The following DUSP2 variants were observed in gnomAD, a reference collection of about 807,000 sequenced individuals.
DUSP2 encodes the protein dual specificity protein phosphatase 2.
In DUSP2, 20 loss-of-function variants were observed where a neutral mutation model predicts 23.3. That is an observed-to-expected ratio of 0.86 (90% CI 0.60 to 1.25). The LOEUF is 1.25. Ranked by LOEUF, DUSP2 falls within the 50% of genes most tolerant of loss-of-function variation. The pLI, the probability that DUSP2 is intolerant of heterozygous loss-of-function variation, is 0.00. For synonymous variants in DUSP2, 231 were observed against 209.7 expected (o/e 1.10, Z -0.88); for missense variants, 435 against 452.6 (o/e 0.96, Z 0.35).
At chr2:96,144,463 G>C in intron 2 of DUSP2, 90 bp from the exon 3 acceptor site, 1 of 1,294,574 alleles carries the variant, frequency 7.7e-7, no homozygotes, top group Non-Finnish European at 1.1e-6. Context: ...GGCTGGCCGA[G>C]ACAAGAGGAC....
In DUSP2 at chr2:96,143,552, T is replaced by C; in HGVS notation, c.*271A>G. The C allele has an allele frequency of 2.0e-6, 1 of 500,652 alleles. No homozygotes were observed. The highest frequency in any genetic ancestry group is 3.4e-5 in the Admixed American group (1 of 29,632). 31.0% of individuals were successfully genotyped at this position (500,652 alleles called of 1,614,324 possible). A position where few individuals can be genotyped will look rare whatever the true frequency, so the allele number is the denominator to read the frequency against. On this transcript the variant is annotated 3_prime_UTR_variant, in exon 4 of 4. Coordinates refer to ENST00000288943, the MANE Select transcript of DUSP2 (RefSeq NM_004418.4). ...GTCCACGGTATAGCGTCTAGCTGAT[T>C]TCTGCCAGAGGATGGGGAGGGAAAG...
Position 96,145,065 on chromosome 2 carries a change from G to C in DUSP2, c.290C>G (p.Ser97Trp). ...GCTGTCGGGCCGGAGCTCCGCCACC[G>C]AGGCACTGCCCTCGTCCAGCACCAC... ...RAVVLDEGSA[S>W]VAELRPDSPA... The change falls in exon 1 of 4, where the codon TCG (serine) becomes TGG (tryptophan). Residue 97 changes from serine (S) to tryptophan (W), a missense_variant. Physicochemically the swap from Ser to Trp is radical, Grantham distance 177 (BLOSUM62 -3). Transcript: ENST00000288943. 1 of 1,522,382 alleles carries C rather than the reference G, an allele frequency of 6.6e-7. No individual in the cohort carries two copies. 94.3% of individuals were successfully genotyped at this position (1,522,382 alleles called of 1,614,324 possible).
chr2:96,143,308 A>C lies in DUSP2; in HGVS notation c.*515T>G, dbSNP rs777794683. 1 of 156,060 alleles carries C rather than the reference A, an allele frequency of 6.4e-6. No individual in the cohort carries two copies. Among genetic ancestry groups the C allele is most frequent in the African/African-American group, 2.4e-5 (1 of 41,462 alleles). The allele number at this position is 156,060 out of a possible 1,614,324, so 9.7% of individuals were successfully genotyped here. A position where few individuals can be genotyped will look rare whatever the true frequency, so the allele number is the denominator to read the frequency against. On this transcript the variant is annotated 3_prime_UTR_variant, in exon 4 of 4. Coordinates refer to ENST00000288943, the MANE Select transcript of DUSP2 (RefSeq NM_004418.4). Reference sequence around the variant, plus strand: ...TGTTAAATGTCAGCTGAGCACAAATAATTTTCCAGCGCCAGCACAGGTGTG... The same window carrying C: ...TGTTAAATGTCAGCTGAGCACAAATCATTTTCCAGCGCCAGCACAGGTGTG...
chr2:96,145,260 C>T lies in DUSP2; in HGVS notation c.95G>A (p.Cys32Tyr), dbSNP rs760492286. 1.5e-6 allele frequency: 2 copies of T among 1,294,908 alleles called. No homozygotes were observed. Among genetic ancestry groups the T allele is most frequent in the Non-Finnish European group, 9.7e-7 (1 of 1,027,182 alleles). 80.2% of individuals were successfully genotyped at this position (1,294,908 alleles called of 1,614,324 possible). The change falls in exon 1 of 4, where the codon TGC (cysteine) becomes TAC (tyrosine). Residue 32 changes from cysteine to tyrosine, a missense_variant. By Grantham distance (194) the Cys-to-Tyr change is radical. Coordinates refer to ENST00000288943, the MANE Select transcript of DUSP2 (RefSeq NM_004418.4). ...CCGGCAGAAGGCCAGGAAGGGGCGG[C>T]AGTCCAGCAGCAGCGTGCGTTCCGC... ...REAERTLLLD[C>Y]RPFLAFCRRH...
At chr2:96,144,427 G>A in intron 2 of DUSP2, 54 bp from the exon 3 acceptor site, 4 of 1,572,556 alleles carry the variant, frequency 2.5e-6, no homozygotes, top group Admixed American at 3.5e-5. Context: ...CGGAGAGCTG[G>A]AGCAGCAGCG....
In DUSP2 at chr2:96,144,746, G is replaced by A. The variant is rs1261967325; in HGVS notation, c.510+15C>T. The A allele has an allele frequency of 3.2e-6, 5 of 1,548,142 alleles. No individual in the cohort carries two copies. Among genetic ancestry groups the A allele is most frequent in the Non-Finnish European group, 3.5e-6 (4 of 1,146,784 alleles). ...GGGAGAGAGGGAGGTTCGGGGGAGG[G>A]GGGTCAATACTCACCTGGTCGTAGA... On this transcript the variant is annotated intron_variant, in intron 2 of 3. Coordinates refer to ENST00000288943, the MANE Select transcript of DUSP2 (RefSeq NM_004418.4).
chr2:96,144,650 T>C (rs1426808983), intron 2 of DUSP2, 111 bp downstream of exon 2: 1 of 1,019,354 alleles, frequency 9.8e-7, no homozygotes, highest in Non-Finnish European at 1.4e-6. Context: ...TATAAAAGTG[T>C]GTGTATATGG....
rs534601595 is a variant in DUSP2, at chr2:96,144,886, C to A, written c.389-4G>T. On this transcript the variant is annotated splice_polypyrimidine_tract_variant and splice_region_variant and intron_variant, in intron 1 of 3. Transcript: ENST00000288943. ...CCCTGGAAGCCGTCGAAGCCTCCTGCAAGGAGGGGAAGAGCACGATCAGCA... is the reference window on the plus strand; with the variant it reads ...CCCTGGAAGCCGTCGAAGCCTCCTGAAAGGAGGGGAAGAGCACGATCAGCA... 6.5e-7 allele frequency: 1 copy of A among 1,548,808 alleles called. No homozygotes were observed. The highest frequency in any genetic ancestry group is 8.7e-7 in the Non-Finnish European group (1 of 1,145,706).
rs1174697281 is a variant in DUSP2, at chr2:96,144,763, G to A, written c.508C>T (p.Gln170Ter). ...RSDSRAPVYD[Q>*]GGPVEILPYL... The stretch of plus-strand genomic sequence containing the variant: ...GGGGGAGGGGGGTCAATACTCACCT[G>A]GTCGTAGACAGGAGCCCTGGAGTCG... The change falls in exon 2 of 4, where the codon CAG (glutamine) becomes TAG (stop). Residue 170 changes from glutamine to a stop codon, truncating the protein, a stop_gained and splice_region_variant. Transcript: ENST00000288943. LOFTEE classifies it high-confidence loss of function. 2.5e-6 allele frequency: 4 copies of A among 1,587,014 alleles called. No individual in the cohort carries two copies. The highest frequency in any genetic ancestry group is 2.3e-5 in the East Asian group (1 of 44,026).
chr2:96,145,127 CAGCGCGCG>C lies in DUSP2; in HGVS notation c.220_227del (p.Arg74AlafsTer69). The C allele has an allele frequency of 7.4e-7, 1 of 1,356,492 alleles. No homozygotes were observed. Among genetic ancestry groups the C allele is most frequent in the Non-Finnish European group, 9.4e-7 (1 of 1,064,854 alleles). 84.0% of individuals were successfully genotyped at this position (1,356,492 alleles called of 1,614,324 possible). Reference sequence around the variant, plus strand: ...GCTCCCCGCGGACCAGGCGCGTCCGCAGCGCGCGGTCGGGCAGCAGGCAGGCGAGAACG... The same window carrying C: ...GCTCCCCGCGGACCAGGCGCGTCCGCGTCGGGCAGCAGGCAGGCGAGAACG... On this transcript the variant is annotated frameshift_variant, in exon 1 of 4. Coordinates refer to ENST00000288943, the MANE Select transcript of DUSP2 (RefSeq NM_004418.4). LOFTEE classifies it high-confidence loss of function.
In DUSP2 at chr2:96,144,850, C is replaced by G. The variant is rs1682477617; in HGVS notation, c.421G>C (p.Asp141His). 1 of 1,556,178 alleles carries G rather than the reference C, an allele frequency of 6.4e-7. No individual in the cohort carries two copies. Among genetic ancestry groups the G allele is most frequent in the African/African-American group, 1.4e-5 (1 of 73,588 alleles). ...GGGGCGGGGGCCTCAGAGCACAGATCGGGACAGCAGCCCTGGAAGCCGTCG... is the reference window on the plus strand; with the variant it reads ...GGGGCGGGGGCCTCAGAGCACAGATGGGGACAGCAGCCCTGGAAGCCGTCG... Reference protein sequence around the residue: ...GFDGFQGCCPDLCSEAPAPAL... With the variant: ...GFDGFQGCCPHLCSEAPAPAL... Residue 141 changes from aspartate (D) to histidine (H), a missense_variant, in exon 2 of 4, where the codon GAT becomes CAT. Transcript: ENST00000288943.
Position 96,144,255 on chromosome 2 carries a change from G to C in DUSP2, c.629C>G (p.Pro210Arg). 6.2e-7 allele frequency: 1 copy of C among 1,614,038 alleles called. No homozygotes were observed. The highest frequency in any genetic ancestry group is 1.1e-5 in the South Asian group (1 of 91,090). The change falls in exon 3 of 4, where the codon CCC (proline) becomes CGC (arginine). Residue 210 changes from proline (P) to arginine (R), a missense_variant. By Grantham distance (103) the Pro-to-Arg change is moderately radical. Transcript: ENST00000288943. Reference protein sequence around the residue: ...TAVLNVSASCPNHFEGLFRYK... With the variant: ...TAVLNVSASCRNHFEGLFRYK... ...GCGGAAAAGGCCCTCAAAGTGGTTG[G>C]GGCAGCTGGCGGACACGTTGAGGAC...
rs1682476457 is a variant in DUSP2 at position 96,144,821 on chromosome 2, C to A, written c.450G>T (p.Ala150=). 1 of 1,569,780 alleles carries A rather than the reference C, an allele frequency of 6.4e-7. No individual in the cohort carries two copies. Among genetic ancestry groups the A allele is most frequent in the Non-Finnish European group, 8.6e-7 (1 of 1,158,766 alleles). The change falls in exon 2 of 4, where the codon GCG becomes GCT. Residue 150 remains alanine (A), a synonymous_variant. Transcript: ENST00000288943. Reference sequence around the variant, plus strand: ...TGGTTTTGTCCCCTGTTGGCGGCAGCGCAGGGGCGGGGGCCTCAGAGCACA... The same window carrying A: ...TGGTTTTGTCCCCTGTTGGCGGCAGAGCAGGGGCGGGGGCCTCAGAGCACA... ...PDLCSEAPAP[A]LPPTGDKTSR...
Position 96,143,528 on chromosome 2 carries a change from T to G in DUSP2, c.*295A>C. 7.7e-6 allele frequency: 3 copies of G among 388,450 alleles called. No homozygotes were observed. The highest frequency in any genetic ancestry group is 1.4e-5 in the Non-Finnish European group (3 of 209,252). The allele number at this position is 388,450 out of a possible 1,614,324, so 24.1% of individuals were successfully genotyped here. A position where few individuals can be genotyped will look rare whatever the true frequency, so the allele number is the denominator to read the frequency against. On this transcript the variant is annotated 3_prime_UTR_variant, in exon 4 of 4. Coordinates refer to ENST00000288943, the MANE Select transcript of DUSP2 (RefSeq NM_004418.4). ...CAACATGGTGGTGGACCAGGGAGAG[T>G]CCACGGTATAGCGTCTAGCTGATTT...
Position 96,144,961 on chromosome 2 carries a change from G to C in DUSP2, c.388+6C>G, listed in dbSNP as rs774392717. ...GGGGCGGGCCAAGGGCGGCCGGCTT[G>C]CTCACCTCGCAGGAAGTACACGGCA... On this transcript the variant is annotated splice_donor_region_variant and intron_variant, in intron 1 of 3. Coordinates refer to ENST00000288943, the MANE Select transcript of DUSP2 (RefSeq NM_004418.4). 4 of 1,545,984 alleles carry C rather than the reference G, an allele frequency of 2.6e-6. No individual in the cohort carries two copies. The highest frequency in any genetic ancestry group is 2.0e-5 in the Admixed American group (1 of 50,920).
In DUSP2 at chr2:96,145,229, G is replaced by C. The variant is rs768211327; in HGVS notation, c.126C>G (p.His42Gln). 4.0e-4 allele frequency: 511 copies of C among 1,275,484 alleles called. No individual in the cohort carries two copies. The highest frequency in any genetic ancestry group is 4.0e-4 in the Non-Finnish European group (412 of 1,018,286). The allele number at this position is 1,275,484 out of a possible 1,614,324, so 79.0% of individuals were successfully genotyped here. The change falls in exon 1 of 4, where the codon CAC (histidine) becomes CAG (glutamine). Residue 42 changes from histidine (H) to glutamine (Q), a missense_variant. His to Gln is a conservative substitution (Grantham distance 24). Transcript: ENST00000288943. The stretch of plus-strand genomic sequence containing the variant: ...AAGGCACTGGCCGCGCGGCGCGCAC[G>C]TGGCGCCGGCAGAAGGCCAGGAAGG... ...CRPFLAFCRR[H>Q]VRAARPVPWN...
rs1299161822 is a variant in DUSP2, at chr2:96,144,786, T to A, written c.485A>T (p.Asp162Val). 1.1e-5 allele frequency: 18 copies of A among 1,587,804 alleles called. No homozygotes were observed. Among genetic ancestry groups the A allele is most frequent in the Non-Finnish European group, 1.3e-5 (15 of 1,168,710 alleles). The change falls in exon 2 of 4, where the codon GAC becomes GTC. Residue 162 changes from aspartate (D) to valine (V), a missense_variant. By Grantham distance (152) the Asp-to-Val change is radical. Transcript: ENST00000288943. The part of the protein sequence containing the change: ...PPTGDKTSRS[D>V]SRAPVYDQGG... ...CTGGTCGTAGACAGGAGCCCTGGAGTCGGAGCGGCTGGTTTTGTCCCCTGT... is the reference window on the plus strand; with the variant it reads ...CTGGTCGTAGACAGGAGCCCTGGAGACGGAGCGGCTGGTTTTGTCCCCTGT...
Position 96,144,874 on chromosome 2 carries a change from C to G in DUSP2, c.397G>C (p.Asp133His), listed in dbSNP as rs1682478561. 1 of 1,549,250 alleles carries G rather than the reference C, an allele frequency of 6.5e-7. No homozygotes were observed. Among genetic ancestry groups the G allele is most frequent in the East Asian group, 2.4e-5 (1 of 41,322 alleles). Reference protein sequence around the residue: ...TAVYFLRGGFDGFQGCCPDLC... With the variant: ...TAVYFLRGGFHGFQGCCPDLC... ...TCGGGACAGCAGCCCTGGAAGCCGT[C>G]GAAGCCTCCTGCAAGGAGGGGAAGA... The change falls in exon 2 of 4, where the codon GAC becomes CAC. Residue 133 changes from aspartate (D) to histidine (H), a missense_variant. By Grantham distance (81) the Asp-to-His change is moderately conservative. Coordinates refer to ENST00000288943, the MANE Select transcript of DUSP2 (RefSeq NM_004418.4).
intron 2 of DUSP2, 131 bp downstream of exon 2, chr2:96,144,628 AAC>A (rs950197376): frequency 2.5e-5 from 22 of 890,680 alleles, no homozygotes; most frequent in East Asian, 2.7e-5. Context: ...CCCCTCCCCC[AAC>A]ACACACACGT....
Sources: gnomAD v4.1 joint callset for allele counts on GRCh38, gnomAD v4.1.1 for gene constraint, MANE v1.5 for transcripts, NCBI Gene and HGNC (gene_info 2026-07-23, HGNC 2026-07-21) for gene names.